The following EYS variants were observed in gnomAD, a reference collection of about 807,000 sequenced individuals.
The protein encoded by EYS is EGF-like photoreceptor maintenance factor.
In EYS, 250 loss-of-function variants were observed where a neutral mutation model predicts 282.1. The ratio of observed to expected loss-of-function variants is 0.89; its 90% confidence interval spans 0.80 to 0.98. The LOEUF (loss-of-function observed/expected upper bound fraction) is 0.98. EYS is among the 50% of genes least tolerant of loss of function. The pLI is 0.00. For missense variants in EYS, 4,016 were observed against 3,709.0 expected (o/e 1.08, Z -2.15); for synonymous variants, 1,355 against 1,282.9 (o/e 1.06, Z -1.20).
intron 31 of EYS, among the ~76,000 whole-genome samples, chr6:64,161,035 T>A (rs1184300088): frequency 6.6e-6 from 1 of 152,198 alleles, no homozygotes; most frequent in Non-Finnish European, 1.5e-5. Flanking sequence ...AAAATCTGTA[T>A]AAGAGAGACT....
intron 29 of EYS, among the ~76,000 whole-genome samples, chr6:64,361,268 G>GA (rs1043728214): frequency 6.6e-6 from 1 of 151,298 alleles, no homozygotes; most frequent in Non-Finnish European, 1.5e-5. Flanking sequence ...GGATAGAAAT[G>GA]AAAATAAAAT....
At chr6:63,849,315 C>T (rs532650812) in intron 36 of EYS, among the ~76,000 whole-genome samples, 1 of 152,306 alleles carries the variant, frequency 6.6e-6, no homozygotes, top group South Asian at 2.1e-4. Flanking sequence ...AGCAGATCTC[C>T]CAGCACAGTG....
chr6:64,698,060 A>T (rs1259134242), intron 22 of EYS, among the ~76,000 whole-genome samples: 1 of 152,186 alleles, frequency 6.6e-6, no homozygotes, highest in African/African-American at 2.4e-5. Flanking sequence ...ATAAAAATAC[A>T]TGGAAATTAA....
chr6:65,532,919 G>A (rs979084734), intron 2 of EYS, among the ~76,000 whole-genome samples: 9 of 151,994 alleles, frequency 5.9e-5, no homozygotes, highest in African/African-American at 2.2e-4. Context: ...AATGAAGTTT[G>A]TTTTAGGATC....
intron 2 of EYS, among the ~76,000 whole-genome samples, chr6:65,514,639 A>G (rs1013184719): frequency 1.3e-5 from 2 of 152,206 alleles, no homozygotes; most frequent in Non-Finnish European, 2.9e-5. Flanking sequence ...AATGCCGCAT[A>G]TCTACAACTA....
chr6:64,676,289 A>G (rs994306147), intron 22 of EYS, among the ~76,000 whole-genome samples: 1 of 146,938 alleles, frequency 6.8e-6, no homozygotes, highest in East Asian at 2.0e-4. Flanking sequence ...AAAGTTTCCA[A>G]TATATCTATA....
At position 65,024,518 on chromosome 6, in the gene EYS, G is replaced by T. The variant is rs565127530; in HGVS notation, c.2138-26815C>A. ...TGAGTGTTCTTCAGAATGCCCATGTGCTTCAGTTTTTCAGAATTCATGCGT... is the reference window on the plus strand; with the variant it reads ...TGAGTGTTCTTCAGAATGCCCATGTTCTTCAGTTTTTCAGAATTCATGCGT... On this transcript the variant is annotated intron_variant, in intron 13 of 42. Coordinates refer to ENST00000503581, the MANE Select transcript of EYS (RefSeq NM_001142800.2). 2.0e-5 allele frequency among the ~76,000 whole-genome samples: 3 copies of T among 152,224 alleles called. No individual in the cohort carries two copies. The South Asian group carries it at 6.2e-4, about 32-fold the overall frequency.
At chr6:64,279,528 T>C (rs577287992) in intron 30 of EYS, among the ~76,000 whole-genome samples, 2 of 152,268 alleles carry the variant, frequency 1.3e-5, no homozygotes, top group East Asian at 3.9e-4. Context: ...GCTGTTGCCT[T>C]AGGAAAGACA....
At chr6:64,159,909 G>A (rs1241439583) in intron 31 of EYS, among the ~76,000 whole-genome samples, 1 of 151,930 alleles carries the variant, frequency 6.6e-6, no homozygotes, top group Non-Finnish European at 1.5e-5. Context: ...TCCTTTGTTC[G>A]GAATAATAAC....
At chr6:65,148,007 G>A (rs541969413) in intron 12 of EYS, among the ~76,000 whole-genome samples, 3 of 151,972 alleles carry the variant, frequency 2.0e-5, no homozygotes, top group Non-Finnish European at 4.4e-5. Context: ...TTCCCACCAG[G>A]TTCCTCCCAT....
chr6:63,752,557 A>C (rs112659148), intron 41 of EYS, among the ~76,000 whole-genome samples: 3 of 150,424 alleles, frequency 2.0e-5, no homozygotes, highest in Non-Finnish European at 4.4e-5. Flanking sequence ...CAGTGGCGCA[A>C]TCTCGGCTCA....
chr6:64,817,250 T>C (rs1231157652), intron 21 of EYS, among the ~76,000 whole-genome samples: 1 of 152,146 alleles, frequency 6.6e-6, no homozygotes, highest in Non-Finnish European at 1.5e-5. Flanking sequence ...ACTTGTTAAA[T>C]AAGTCCCTTT....
intron 30 of EYS, among the ~76,000 whole-genome samples, chr6:64,298,411 C>T (rs959544765): frequency 6.6e-6 from 1 of 151,942 alleles, no homozygotes; most frequent in Admixed American, 6.6e-5. Context: ...GTGCCATCAA[C>T]AATCAAAAGG....
At chr6:64,549,962 C>T (rs1033500054) in intron 26 of EYS, among the ~76,000 whole-genome samples, 1 of 152,064 alleles carries the variant, frequency 6.6e-6, no homozygotes, top group South Asian at 2.1e-4. Context: ...GTTCAGTTCC[C>T]ACCTATGAGG....
chr6:65,134,791 A>G (rs1775977123), intron 12 of EYS, among the ~76,000 whole-genome samples: 1 of 152,036 alleles, frequency 6.6e-6, no homozygotes, highest in Non-Finnish European at 1.5e-5. Context: ...AAACTGAGAT[A>G]CATTTTAGGA....
intron 14 of EYS, among the ~76,000 whole-genome samples, chr6:64,972,297 A>T (rs1390402852): frequency 6.6e-6 from 1 of 152,196 alleles, no homozygotes; most frequent in Non-Finnish European, 1.5e-5. Context: ...CAGCTACTGA[A>T]ACTAAAGCAA....
At chr6:64,647,139 C>T (rs552686408) in intron 22 of EYS, among the ~76,000 whole-genome samples, 82 of 151,944 alleles carry the variant, frequency 5.4e-4, no homozygotes, top group Admixed American at 4.1e-3. Flanking sequence ...ACTGTATGTC[C>T]GAAAACATCT....
chr6:65,332,828 T>C (rs1029594772), intron 11 of EYS, among the ~76,000 whole-genome samples: 8 of 151,514 alleles, frequency 5.3e-5, no homozygotes, highest in African/African-American at 1.9e-4. Flanking sequence ...TTACTTGTTA[T>C]AGGTTAGATT....
At chr6:64,422,122 T>C (rs1022410236) in intron 28 of EYS, among the ~76,000 whole-genome samples, 2 of 151,876 alleles carry the variant, frequency 1.3e-5, no homozygotes, top group Admixed American at 1.3e-4. Flanking sequence ...GATTGACAGA[T>C]AGATAGATCG....
Sources: allele counts gnomAD v4.1 joint callset (sites outside exome capture counted in the v4.1 genomes callset), GRCh38; gene constraint gnomAD v4.1.1; transcripts MANE v1.5; gene names NCBI Gene and HGNC (gene_info 2026-07-23, HGNC 2026-07-21).